ATP2B1: variants seen among roughly 807,000 people sequenced by gnomAD.
The protein encoded by ATP2B1 is ATPase plasma membrane Ca2+ transporting 1.
In ATP2B1, 14 loss-of-function variants were observed where a neutral mutation model predicts 124.2. The observed-to-expected ratio is 0.11, with a 90% CI of 0.07 to 0.18. The LOEUF (loss-of-function observed/expected upper bound fraction) is 0.18. ATP2B1 is among the 10% of genes least tolerant of loss of function. The pLI, the probability that ATP2B1 is intolerant of heterozygous loss-of-function variation, is 1.00. For missense variants in ATP2B1, 763 were observed against 1,466.1 expected (o/e 0.52, Z 7.83); for synonymous variants, 449 against 492.4 (o/e 0.91, Z 1.17).
chr12:89,636,709 T>C (rs757752172), intron 3 of ATP2B1, among the ~76,000 whole-genome samples: 4 of 152,058 alleles, frequency 2.6e-5, no homozygotes, highest in African/African-American at 4.8e-5. Flanking sequence ...GTAAAATCAA[T>C]TGGGGATGAA....
At chr12:89,660,041 G>A (rs1305123191) in intron 1 of ATP2B1, among the ~76,000 whole-genome samples, 9 of 151,884 alleles carry the variant, frequency 5.9e-5, no homozygotes, top group Admixed American at 2.0e-4. Flanking sequence ...TAACAGGTAA[G>A]ACATGGAGTG....
chr12:89,595,617 C>T (rs1285390184), intron 20 of ATP2B1, among the ~76,000 whole-genome samples: 2 of 151,956 alleles, frequency 1.3e-5, no homozygotes, highest in African/African-American at 4.8e-5. Context: ...TAAAACTATT[C>T]CATATTAGGG....
intron 1 of ATP2B1, among the ~76,000 whole-genome samples, chr12:89,658,143 T>C (rs1429772792): frequency 7.2e-5 from 11 of 152,220 alleles, no homozygotes; most frequent in Admixed American, 7.2e-4. Flanking sequence ...AAATAGATTA[T>C]TATTTAACAA....
intron 20 of ATP2B1, among the ~76,000 whole-genome samples, chr12:89,597,649 T>C (rs1874897958): frequency 6.6e-6 from 1 of 152,150 alleles, no homozygotes; most frequent in South Asian, 2.1e-4. Context: ...AAGATAGGTC[T>C]CTGTCTACTT....
intron 1 of ATP2B1, among the ~76,000 whole-genome samples, chr12:89,694,473 C>T (rs372288393): frequency 2.0e-5 from 3 of 152,206 alleles, no homozygotes; most frequent in African/African-American, 7.2e-5. Flanking sequence ...TACCTGGTAT[C>T]AAATACATTG....
Position 89,590,801 on chromosome 12 carries a change from C to T in ATP2B1, c.*183G>A. The stretch of plus-strand genomic sequence containing the variant: ...ATTTCTCCCACCCCCCAAAAAGCAC[C>T]CTCAGTCTGGCAGAAAGCTTTGCTT... On this transcript the variant is annotated 3_prime_UTR_variant, in exon 21 of 21. Coordinates refer to ENST00000428670, the MANE Select transcript of ATP2B1 (RefSeq NM_001366521.1). 1 of 651,742 alleles carries T rather than the reference C, an allele frequency of 1.5e-6. No homozygotes were observed. The highest frequency in any genetic ancestry group is 2.5e-6 in the Non-Finnish European group (1 of 402,154). The allele number at this position is 651,742 out of a possible 1,614,324, so 40.4% of individuals were successfully genotyped here. A position where few individuals can be genotyped will look rare whatever the true frequency, so the allele number is the denominator to read the frequency against.
chr12:89,633,751 C>T (rs1051952368), intron 5 of ATP2B1, among the ~76,000 whole-genome samples: 12 of 152,064 alleles, frequency 7.9e-5, no homozygotes, highest in Admixed American at 3.9e-4. Flanking sequence ...CTGGTTTCAG[C>T]AGCAATCATC....
chr12:89,594,618 A>AT lies in ATP2B1; in HGVS notation c.3352-3324dup, dbSNP rs1446889805. The stretch of plus-strand genomic sequence containing the variant: ...AGAAAAAAAAAAACAAAAATACTGC[A>AT]TGAAGCACATATGGTAAACAAAAAA... On this transcript the variant is annotated intron_variant, in intron 20 of 20. Coordinates refer to ENST00000428670, the MANE Select transcript of ATP2B1 (RefSeq NM_001366521.1). 3 of 151,232 alleles carry AT rather than the reference A, an allele frequency of 2.0e-5. No homozygotes were observed. In the East Asian group the frequency reaches 5.8e-4, roughly 29 times the overall value. 9.4% of individuals were successfully genotyped at this position (151,232 alleles called of 1,614,324 possible).
intron 7 of ATP2B1, 100 bp from the exon 8 acceptor site, chr12:89,626,715 G>A (rs2136124975): frequency 7.4e-7 from 1 of 1,351,168 alleles, no homozygotes; most frequent in East Asian, 2.5e-5. Flanking sequence ...ACAGAAACCA[G>A]TAAAGGTATA....
At chr12:89,651,439 C>G (rs1885239235) in intron 2 of ATP2B1, among the ~76,000 whole-genome samples, 2 of 152,108 alleles carry the variant, frequency 1.3e-5, no homozygotes, top group Non-Finnish European at 2.9e-5. Context: ...GCATGTGCCA[C>G]CACTCCTGGC....
chr12:89,596,206 T>C (rs983990581), intron 20 of ATP2B1, among the ~76,000 whole-genome samples: 1 of 152,072 alleles, frequency 6.6e-6, no homozygotes, highest in African/African-American at 2.4e-5. Context: ...TATTTAAATA[T>C]TGGTAAATAA....
At chr12:89,595,280 G>A (rs905024615) in intron 20 of ATP2B1, among the ~76,000 whole-genome samples, 1 of 151,916 alleles carries the variant, frequency 6.6e-6, no homozygotes, top group Non-Finnish European at 1.5e-5. Context: ...ATAAGCTGTA[G>A]TTTGCTGATC....
chr12:89,593,112 G>A (rs1384224484), intron 20 of ATP2B1, among the ~76,000 whole-genome samples: 2 of 151,978 alleles, frequency 1.3e-5, no homozygotes, highest in African/African-American at 4.8e-5. Flanking sequence ...TTACTAAGAT[G>A]TAAAGTGTTC....
In ATP2B1 at chr12:89,655,972, G is replaced by A. The variant is rs1885909142; in HGVS notation, c.-86C>T. On this transcript the variant is annotated 5_prime_UTR_variant, in exon 2 of 21. Coordinates refer to ENST00000428670, the MANE Select transcript of ATP2B1 (RefSeq NM_001366521.1). Reference sequence around the variant, plus strand: ...TATTTCCAAGATGAAAATCTTTTAAGTATGAAAATCTTTCTTAAACCAAAC... The same window carrying A: ...TATTTCCAAGATGAAAATCTTTTAAATATGAAAATCTTTCTTAAACCAAAC... The A allele has an allele frequency of 2.9e-6, 4 of 1,377,078 alleles. No individual in the cohort carries two copies. The South Asian group carries it at 5.8e-5, about 20-fold the overall frequency. 85.3% of individuals were successfully genotyped at this position (1,377,078 alleles called of 1,614,324 possible).
chr12:89,672,331 G>A (rs1380198034), intron 1 of ATP2B1, among the ~76,000 whole-genome samples: 1 of 152,004 alleles, frequency 6.6e-6, no homozygotes, highest in Non-Finnish European at 1.5e-5. Context: ...GCGGGTGCCT[G>A]TAATCCCAGC....
chr12:89,654,030 T>C lies in ATP2B1; in HGVS notation c.208+1649A>G, dbSNP rs1271808063. Among the ~76,000 whole-genome samples the C allele has an allele frequency of 2.0e-5, 3 of 152,322 alleles. 1 individual carries two copies. Among genetic ancestry groups the C allele is most frequent in the African/African-American group, 2.4e-5 (1 of 41,578 alleles). Reference sequence around the variant, plus strand: ...CTTAATGTTAGTGTCCCCTATCAATTTGATGATGATAAAACAATGAGATTT... The same window carrying C: ...CTTAATGTTAGTGTCCCCTATCAATCTGATGATGATAAAACAATGAGATTT... On this transcript the variant is annotated intron_variant, in intron 2 of 20. Transcript: ENST00000428670.
intron 5 of ATP2B1, among the ~76,000 whole-genome samples, chr12:89,631,591 T>C (rs1274136963): frequency 1.3e-5 from 2 of 152,188 alleles, no homozygotes; most frequent in African/African-American, 4.8e-5. Context: ...CTCAAAAATT[T>C]CTGATTCTTC....
intron 3 of ATP2B1, among the ~76,000 whole-genome samples, chr12:89,639,323 G>A (rs1266430200): frequency 6.6e-6 from 1 of 152,046 alleles, no homozygotes; most frequent in Non-Finnish European, 1.5e-5. Flanking sequence ...GGCCAACATG[G>A]TGAAACCCCG....
chr12:89,592,884 AG>A (rs1452704186), intron 20 of ATP2B1, among the ~76,000 whole-genome samples: 1 of 152,054 alleles, frequency 6.6e-6, no homozygotes, highest in Non-Finnish European at 1.5e-5. Flanking sequence ...AGGGGCCTAA[AG>A]TCCTGCATTT....
Sources: allele counts gnomAD v4.1 joint callset (sites outside exome capture counted in the v4.1 genomes callset), GRCh38; gene constraint gnomAD v4.1.1; transcripts MANE v1.5; gene names NCBI Gene and HGNC (gene_info 2026-07-23, HGNC 2026-07-21).